FAM174A: variants seen among roughly 807,000 people sequenced by gnomAD.
FAM174A encodes the protein membrane protein FAM174A.
FAM174A carries 14 observed loss-of-function variants against 14.3 expected under a neutral mutation model. That is an observed-to-expected ratio of 0.98 (90% CI 0.65 to 1.53). FAM174A has a LOEUF of 1.53. FAM174A is among the 40% of genes most tolerant of loss of function. The pLI, the probability that FAM174A is intolerant of heterozygous loss-of-function variation, is 0.00. For missense variants in FAM174A, 241 were observed against 249.6 expected (o/e 0.97, Z 0.23); for synonymous variants, 108 against 111.4 (o/e 0.97, Z 0.19).
chr5:100,556,570 A>G (rs1746389172), intron 1 of FAM174A, among the ~76,000 whole-genome samples: 1 of 152,192 alleles, frequency 6.6e-6, no homozygotes, highest in South Asian at 2.1e-4. Flanking sequence ...CTTCCTACCC[A>G]TGAGCATGGA....
intron 1 of FAM174A, among the ~76,000 whole-genome samples, chr5:100,542,721 C>T (rs945262336): frequency 5.9e-5 from 9 of 152,094 alleles, no homozygotes; most frequent in Admixed American, 1.3e-4. Flanking sequence ...TACCTGGGCA[C>T]AGTGGCTTAC....
At chr5:100,572,139 T>A (rs193091764) in intron 2 of FAM174A, among the ~76,000 whole-genome samples, 1 of 152,178 alleles carries the variant, frequency 6.6e-6, no homozygotes, top group Admixed American at 6.5e-5. Flanking sequence ...AGTTCAGTAG[T>A]ATTCCTGCTT....
chr5:100,555,284 T>A (rs1165984587), intron 1 of FAM174A, among the ~76,000 whole-genome samples: 3 of 151,888 alleles, frequency 2.0e-5, no homozygotes, highest in Non-Finnish European at 4.4e-5. Context: ...GTGCATAGTA[T>A]TCCATGGTGT....
chr5:100,559,999 G>A (rs1182099010), intron 1 of FAM174A, among the ~76,000 whole-genome samples: 4 of 151,582 alleles, frequency 2.6e-5, no homozygotes, highest in East Asian at 3.9e-4. Flanking sequence ...GAGGAGCTGC[G>A]TTCCTTTGGA....
At position 100,574,902 on chromosome 5, in the gene FAM174A, T is replaced by C. The variant is rs914473982; in HGVS notation, c.570-11279T>C. ...TAAAACACACCCTTACTGCAGGACG[T>C]ATTAGAGACTATGTTAGGATCCAAA... On this transcript the variant is annotated intron_variant, in intron 2 of 2. Coordinates refer to ENST00000312637, the MANE Select transcript of FAM174A (RefSeq NM_198507.3). Among the ~76,000 whole-genome samples, 9 of 152,308 alleles carry C rather than the reference T, an allele frequency of 5.9e-5. No individual in the cohort carries two copies. The South Asian group carries it at 1.2e-3, about 21-fold the overall frequency.
At chr5:100,541,216 AG>A (rs1209371618) in intron 1 of FAM174A, among the ~76,000 whole-genome samples, 1 of 152,184 alleles carries the variant, frequency 6.6e-6, no homozygotes, top group African/African-American at 2.4e-5. Flanking sequence ...GAGCTTATCT[AG>A]TGAAGGAGTA....
intron 2 of FAM174A, among the ~76,000 whole-genome samples, chr5:100,584,003 G>GAAGGCATTGT (rs1156721033): frequency 6.6e-6 from 1 of 152,152 alleles, no homozygotes; most frequent in Non-Finnish European, 1.5e-5. Context: ...TTGAATTCCT[G>GAAGGCATTGT]GGGTTCTTTG....
intron 2 of FAM174A, among the ~76,000 whole-genome samples, chr5:100,565,746 G>A (rs1411176972): frequency 1.3e-5 from 2 of 151,718 alleles, no homozygotes; most frequent in Non-Finnish European, 2.9e-5. Context: ...AATGTGCATT[G>A]ACAGATGTAT....
Position 100,535,800 on chromosome 5 carries a change from G to T in FAM174A, c.270G>T (p.Gly90=). ...GCAATGGCAGCAACCCTGTGGCCGG[G>T]CTTGAGACGGACGATCACGGAGGGA... ...EGGNGSNPVA[G]LETDDHGGKA... Residue 90 remains glycine (G), a synonymous_variant, in exon 1 of 3, where the codon GGG becomes GGT. Coordinates refer to ENST00000312637, the MANE Select transcript of FAM174A (RefSeq NM_198507.3). The T allele has an allele frequency of 6.2e-7, 1 of 1,608,892 alleles. No individual in the cohort carries two copies. Among genetic ancestry groups the T allele is most frequent in the South Asian group, 1.1e-5 (1 of 90,944 alleles).
chr5:100,539,777 G>A (rs973150935), intron 1 of FAM174A, among the ~76,000 whole-genome samples: 1 of 152,150 alleles, frequency 6.6e-6, no homozygotes, highest in African/African-American at 2.4e-5. Context: ...AATTTAAAGC[G>A]ATATTGCACA....
chr5:100,549,222 C>T (rs1746216831), intron 1 of FAM174A, among the ~76,000 whole-genome samples: 1 of 151,946 alleles, frequency 6.6e-6, no homozygotes, highest in African/African-American at 2.4e-5. Flanking sequence ...GGGTACTGAA[C>T]TGTAGATAGA....
intron 2 of FAM174A, among the ~76,000 whole-genome samples, chr5:100,579,631 G>T (rs1746970572): frequency 6.6e-6 from 1 of 152,048 alleles, no homozygotes; most frequent in Non-Finnish European, 1.5e-5. Context: ...TCACAATGTT[G>T]ATCAGGCTGG....
intron 1 of FAM174A, among the ~76,000 whole-genome samples, chr5:100,557,595 A>G (rs1380707824): frequency 6.6e-6 from 1 of 152,138 alleles, no homozygotes; most frequent in Non-Finnish European, 1.5e-5. Context: ...TAGGCTATTA[A>G]TTATTGCCTC....
At chr5:100,543,776 A>G (rs889258566) in intron 1 of FAM174A, among the ~76,000 whole-genome samples, 1 of 152,032 alleles carries the variant, frequency 6.6e-6, no homozygotes, top group Non-Finnish European at 1.5e-5. Flanking sequence ...TCTCTAGTGA[A>G]CTATATTTTT....
At position 100,570,972 on chromosome 5, in the gene FAM174A, C is replaced by T. The variant is rs1341576369; in HGVS notation, c.569+8784C>T. Among the ~76,000 whole-genome samples, 3 of 151,704 alleles carry T rather than the reference C, an allele frequency of 2.0e-5. No individual in the cohort carries two copies. In the East Asian group the frequency reaches 5.8e-4, roughly 29 times the overall value. On this transcript the variant is annotated intron_variant, in intron 2 of 2. Transcript: ENST00000312637. The stretch of plus-strand genomic sequence containing the variant: ...TGTTTTTTTCCTTTCTGTAAATAAA[C>T]ATGGTGAATTTCATTAATTGATTCT...
At chr5:100,565,682 C>T (rs1053985821) in intron 2 of FAM174A, among the ~76,000 whole-genome samples, 3 of 151,832 alleles carry the variant, frequency 2.0e-5, no homozygotes, top group South Asian at 2.1e-4. Flanking sequence ...GAGATCTGCA[C>T]TCCCATGTTC....
intron 2 of FAM174A, among the ~76,000 whole-genome samples, chr5:100,570,765 G>A (rs1746762080): frequency 6.6e-6 from 1 of 151,866 alleles, no homozygotes; most frequent in Admixed American, 6.6e-5. Flanking sequence ...TATTGCTGTA[G>A]CATTGTAGGA....
chr5:100,549,392 C>T (rs1319270788), intron 1 of FAM174A, among the ~76,000 whole-genome samples: 1 of 152,126 alleles, frequency 6.6e-6, no homozygotes, highest in Non-Finnish European at 1.5e-5. Flanking sequence ...CTATGTGTTA[C>T]ATACTTTCAT....
intron 2 of FAM174A, among the ~76,000 whole-genome samples, chr5:100,583,448 T>G (rs1747059668): frequency 6.6e-6 from 1 of 152,206 alleles, no homozygotes; most frequent in South Asian, 2.1e-4. Context: ...ATAATTGGAA[T>G]TCTTCTGCCA....
Sources: allele counts gnomAD v4.1 joint callset (sites outside exome capture counted in the v4.1 genomes callset), GRCh38; gene constraint gnomAD v4.1.1; transcripts MANE v1.5; gene names NCBI Gene and HGNC (gene_info 2026-07-23, HGNC 2026-07-21).